NCOA2: variants seen among roughly 807,000 people sequenced by gnomAD.
NCOA2 encodes class E basic helix-loop-helix protein 75.
NCOA2 carries 21 observed loss-of-function variants against 145.1 expected under a neutral mutation model. That is an observed-to-expected ratio of 0.14 (90% CI 0.10 to 0.21). The LOEUF is 0.21. NCOA2 is among the 10% of genes least tolerant of loss of function. The pLI is 1.00. For synonymous variants in NCOA2, 619 were observed against 637.5 expected, an observed-to-expected ratio of 0.97 and a Z score of 0.44; for missense variants, 1,472 against 1,837.6, an observed-to-expected ratio of 0.80 and a Z score of 3.64.
chr8:70,363,803 C>T (rs934235440), intron 1 of NCOA2, among the ~76,000 whole-genome samples: 1 of 152,112 alleles, frequency 6.6e-6, no homozygotes, highest in African/African-American at 2.4e-5. Context: ...TGTCTACATA[C>T]ATCAGCCAAA....
upstream of NCOA2, among the ~76,000 whole-genome samples, chr8:70,406,944 C>T (rs935865480): frequency 2.6e-5 from 4 of 152,118 alleles, no homozygotes; most frequent in Non-Finnish European, 5.9e-5. Flanking sequence ...TACTGTGTGA[C>T]CTCAAACAAG....
chr8:70,178,011 ATGTTTAT>A (rs1426516600), intron 4 of NCOA2, among the ~76,000 whole-genome samples: 1 of 152,172 alleles, frequency 6.6e-6, no homozygotes, highest in Non-Finnish European at 1.5e-5. Context: ...GCCTTGTGAG[ATGTTTAT>A]ATTATCAGGG....
At chr8:70,297,083 C>CT (rs923904949) in intron 1 of NCOA2, among the ~76,000 whole-genome samples, 8 of 152,202 alleles carry the variant, frequency 5.3e-5, no homozygotes, top group African/African-American at 1.9e-4. Context: ...CGTCCTTATA[C>CT]TTTAACTGCT....
At chr8:70,113,684 G>A in intron 22 of NCOA2, 41 bp from the exon 23 acceptor site, 1 of 1,545,136 alleles carries the variant, frequency 6.5e-7, no homozygotes, top group Non-Finnish European at 8.8e-7. Context: ...CATCTTTGAG[G>A]TTTTGAAAAA....
At chr8:70,436,869 AG>A in the NCOA2 span, among the ~76,000 whole-genome samples, 4 of 152,220 alleles carry the variant, frequency 2.6e-5, no homozygotes, top group Non-Finnish European at 5.9e-5. Flanking sequence ...AGCATAGAGG[AG>A]GGGAACAACA....
intron 4 of NCOA2, among the ~76,000 whole-genome samples, chr8:70,186,766 A>C (rs1328578628): frequency 6.6e-6 from 1 of 152,246 alleles, no homozygotes; most frequent in Non-Finnish European, 1.5e-5. Context: ...GTAAAACAGT[A>C]GGTGAGAAGA....
At chr8:70,327,119 T>G (rs193075829) in intron 1 of NCOA2, among the ~76,000 whole-genome samples, 1 of 152,250 alleles carries the variant, frequency 6.6e-6, no homozygotes, top group Admixed American at 6.5e-5. Flanking sequence ...TCGAGGAGAT[T>G]AATACATTCG....
intron 1 of NCOA2, among the ~76,000 whole-genome samples, chr8:70,400,677 AC>A (rs1277315833): frequency 6.6e-6 from 1 of 152,182 alleles, no homozygotes; most frequent in East Asian, 1.9e-4. Context: ...ATTACAAAAA[AC>A]ATCTCAAGAG....
At chr8:70,447,786 G>A in the NCOA2 span, among the ~76,000 whole-genome samples, 1 of 150,696 alleles carries the variant, frequency 6.6e-6, no homozygotes, top group Non-Finnish European at 1.5e-5. Context: ...CCAGGCTCAG[G>A]TGATCCTCCC....
In NCOA2 at chr8:70,156,081, T is replaced by C. The variant is rs368950083; in HGVS notation, c.2284A>G (p.Ile762Val). Residue 762 changes from isoleucine to valine, a missense_variant, in exon 11 of 23, where the codon ATA (isoleucine) becomes GTA (valine). Around this residue, in one of 4 missense-constraint regions of NCOA2, gnomAD observed 953 missense variants for 1,062.1 expected, o/e 0.90. Transcript: ENST00000452400. ...TCCAGTCTCTCAAGTTTGGGGGTTA[T>C]TTCTGGTAAACCAATATCTTTAGTA... ...DDTKDIGLPE[I>V]TPKLERLDSK... 9 of 1,613,872 alleles carry C rather than the reference T, an allele frequency of 5.6e-6. No individual in the cohort carries two copies. In the African/African-American group the frequency reaches 1.1e-4, roughly 19 times the overall value.
chr8:70,234,353 T>A (rs1481639438), intron 2 of NCOA2, among the ~76,000 whole-genome samples: 1 of 152,242 alleles, frequency 6.6e-6, no homozygotes, highest in Non-Finnish European at 1.5e-5. Context: ...GATGTATGCT[T>A]TCCATTCTCT....
chr8:70,246,168 T>C (rs1416928504), intron 2 of NCOA2, among the ~76,000 whole-genome samples: 1 of 152,090 alleles, frequency 6.6e-6, no homozygotes, highest in African/African-American at 2.4e-5. Context: ...CAGAGGCTGC[T>C]CCATGTTTTT....
rs1363704394 is a variant in NCOA2, at chr8:70,269,294, G to A, written c.-20+27450C>T. On this transcript the variant is annotated intron_variant, in intron 2 of 22. Transcript: ENST00000452400. ...TGGGCAGGACCTTCTTGTGACAACT[G>A]CAAGCATACTTGCCATAAAAGAATA... Among the ~76,000 whole-genome samples, 3 of 152,008 alleles carry A rather than the reference G, an allele frequency of 2.0e-5. No homozygotes were observed. In the South Asian group the frequency reaches 6.2e-4, roughly 31 times the overall value.
chr8:70,450,694 C>T, the NCOA2 span, among the ~76,000 whole-genome samples: 1 of 148,072 alleles, frequency 6.8e-6, no homozygotes, highest in Non-Finnish European at 1.5e-5. Context: ...ATTCCCCTGC[C>T]TCAGCCTCCT....
chr8:70,434,562 T>C, the NCOA2 span, among the ~76,000 whole-genome samples: 4 of 152,160 alleles, frequency 2.6e-5, no homozygotes, highest in Non-Finnish European at 5.9e-5. Flanking sequence ...TCATTTTCTT[T>C]CTTTCTTTCT....
intron 10 of NCOA2, among the ~76,000 whole-genome samples, chr8:70,159,242 A>ATATATATATATATTTT: frequency 1.3e-4 from 8 of 61,076 alleles, no homozygotes; most frequent in African/African-American, 4.3e-4. Flanking sequence ...ATATATATAT[A>ATATATATATATATTTT]TTTTTTTTTT....
At chr8:70,342,732 T>C (rs1808243951) in intron 1 of NCOA2, among the ~76,000 whole-genome samples, 1 of 148,360 alleles carries the variant, frequency 6.7e-6, no homozygotes, top group South Asian at 2.1e-4. Flanking sequence ...TAAAAAGGAC[T>C]TCTCCCTAGC....
intron 1 of NCOA2, among the ~76,000 whole-genome samples, chr8:70,332,072 G>T (rs1807159584): frequency 6.6e-6 from 1 of 152,152 alleles, no homozygotes; most frequent in South Asian, 2.1e-4. Context: ...TTTAAGACTT[G>T]TAAATCAACT....
In NCOA2 at chr8:70,110,083, T is replaced by C. The variant is rs895419530; in HGVS notation, c.*3549A>G. 7 of 196,664 alleles carry C rather than the reference T, an allele frequency of 3.6e-5. No individual in the cohort carries two copies. The highest frequency in any genetic ancestry group is 1.6e-4 in the African/African-American group (7 of 43,394). 12.2% of individuals were successfully genotyped at this position (196,664 alleles called of 1,614,324 possible). ...GAACCATAGTTAATATATTGCTTAA[T>C]TTTACCCTTGTATAATCTTTTCATA... On this transcript the variant is annotated 3_prime_UTR_variant, in exon 23 of 23. Transcript: ENST00000452400.
Sources: gnomAD v4.1 joint callset for allele counts (sites outside exome capture counted in the v4.1 genomes callset) on GRCh38, gnomAD v4.1.1 for gene constraint, gnomAD v4.1.1 regional missense constraint, MANE v1.5 for transcripts, NCBI Gene and HGNC (gene_info 2026-07-23, HGNC 2026-07-21) for gene names.